Variants in RAB12 observed in about 807,000 individuals in gnomAD.
RAB12 encodes ras-related protein Rab-12.
A neutral mutation model predicts 28.4 loss-of-function variants in RAB12; 11 were observed. The observed-to-expected ratio is 0.39, with a 90% CI of 0.24 to 0.64. The LOEUF is 0.64. Among genes scored for constraint, RAB12 ranks in the 30% least tolerant of loss-of-function variants. RAB12 has a pLI of 0.50. For missense variants in RAB12, 276 were observed against 351.1 expected, an observed-to-expected ratio of 0.79 and a Z score of 1.71; for synonymous variants, 138 against 145.3, an observed-to-expected ratio of 0.95 and a Z score of 0.36.
intron 1 of RAB12, among the ~76,000 whole-genome samples, chr18:8,620,164 T>TTTTTAAAAAAAAA: frequency 3.6e-5 from 2 of 55,350 alleles, no homozygotes; most frequent in Non-Finnish European, 6.8e-5. Flanking sequence ...TTTTTTTGCT[T>TTTTTAAAAAAAAA]CAAAAAAAAA....
chr18:8,637,177 G>A (rs2148712612), intron 5 of RAB12, among the ~76,000 whole-genome samples: 1 of 152,076 alleles, frequency 6.6e-6, no homozygotes, highest in Non-Finnish European at 1.5e-5. Flanking sequence ...GGCTGATGCA[G>A]GAGGATTGCT....
chr18:8,612,684 T>C (rs1323701113), intron 1 of RAB12, among the ~76,000 whole-genome samples: 3 of 152,200 alleles, frequency 2.0e-5, no homozygotes, highest in African/African-American at 4.8e-5. Flanking sequence ...TATTTATTTA[T>C]TTTTGAGACA....
chr18:8,631,576 G>T (rs2096016011), intron 2 of RAB12, among the ~76,000 whole-genome samples: 1 of 152,202 alleles, frequency 6.6e-6, no homozygotes, highest in South Asian at 2.1e-4. Flanking sequence ...AAAGCCCACT[G>T]CCCGGTTCCC....
At chr18:8,629,208 T>C (rs956500357) in intron 2 of RAB12, among the ~76,000 whole-genome samples, 3 of 152,176 alleles carry the variant, frequency 2.0e-5, no homozygotes, top group Admixed American at 6.5e-5. Context: ...TTTAACTCTT[T>C]ATTGGTTTGG....
chr18:8,613,829 AAGTAGT>A (rs3050584), intron 1 of RAB12, among the ~76,000 whole-genome samples: 8,302 of 148,716 alleles, frequency 0.056, 236 homozygotes, highest in Non-Finnish European at 0.065. Flanking sequence ...CTATAAATAG[AAGTAGT>A]AGTAGTAGTA....
At position 8,638,132 on chromosome 18, in the gene RAB12, G is replaced by C; in HGVS notation, c.910-17G>C. The C allele has an allele frequency of 1.3e-6, 2 of 1,547,960 alleles. No homozygotes were observed. The highest frequency in any genetic ancestry group is 1.8e-6 in the Non-Finnish European group (2 of 1,128,508). On this transcript the variant is annotated splice_polypyrimidine_tract_variant and intron_variant, in intron 5 of 5. Coordinates refer to ENST00000649141, the MANE Select transcript of RAB12 (RefSeq NM_001025300.3). ...GTAAAGTTAAAACGGATTTTTTTTT[G>C]TTTGTTTATACGTTAGATGCCTCTG...
intron 1 of RAB12, among the ~76,000 whole-genome samples, chr18:8,619,035 T>C (rs1014510527): frequency 2.6e-5 from 4 of 152,228 alleles, no homozygotes; most frequent in Non-Finnish European, 4.4e-5. Flanking sequence ...AATTTAACAT[T>C]ATGTAAGATA....
rs770307391 is a variant in RAB12, at chr18:8,633,300, G to C, written c.687G>C (p.Leu229Phe). The C allele has an allele frequency of 6.2e-7, 1 of 1,614,052 alleles. No individual in the cohort carries two copies. The highest frequency in any genetic ancestry group is 8.5e-7 in the Non-Finnish European group (1 of 1,180,010). ...DITKKETFDD[L>F]PKWMKMIDKY... ...CTAAGAAGGAGACATTTGATGATTT[G>C]CCGAAATGGATGAAGATGATTGATA... Residue 229 changes from leucine to phenylalanine, a missense_variant, in exon 3 of 6, where the codon TTG (leucine) becomes TTC (phenylalanine). Transcript: ENST00000649141.
At chr18:8,631,407 G>C (rs867198657) in intron 2 of RAB12, among the ~76,000 whole-genome samples, 10 of 152,210 alleles carry the variant, frequency 6.6e-5, no homozygotes, top group Non-Finnish European at 1.2e-4. Context: ...AGCTCAGAGA[G>C]GTTGAGTTTT....
chr18:8,632,448 T>C (rs1598313573), intron 2 of RAB12, among the ~76,000 whole-genome samples: 2 of 152,158 alleles, frequency 1.3e-5, no homozygotes, highest in East Asian at 3.8e-4. Context: ...TCTCAAGAGC[T>C]GGCTCTGCTT....
intron 1 of RAB12, among the ~76,000 whole-genome samples, chr18:8,618,602 C>T (rs759515788): frequency 5.9e-5 from 9 of 151,970 alleles, no homozygotes; most frequent in Admixed American, 2.0e-4. Flanking sequence ...CTCCGCCTCC[C>T]GGGTTCACGC....
intron 2 of RAB12, 89 bp from the exon 3 acceptor site, chr18:8,633,100 C>T: frequency 6.6e-7 from 1 of 1,519,466 alleles, no homozygotes; most frequent in South Asian, 1.2e-5. Context: ...CGCAGAAAAA[C>T]TGCAGCATAT....
intron 3 of RAB12, among the ~76,000 whole-genome samples, 179 bp downstream of exon 3, chr18:8,633,506 G>T (rs2096017130): frequency 6.6e-6 from 1 of 152,168 alleles, no homozygotes; most frequent in Admixed American, 6.5e-5. Context: ...AGGCAAAGAA[G>T]AATTAAATTT....
intron 1 of RAB12, among the ~76,000 whole-genome samples, chr18:8,622,740 G>T (rs2096010576): frequency 6.6e-6 from 1 of 152,120 alleles, no homozygotes; most frequent in Non-Finnish European, 1.5e-5. Flanking sequence ...TTCCTAATAA[G>T]CCTGGGAGCA....
intron 1 of RAB12, among the ~76,000 whole-genome samples, chr18:8,624,199 AT>A (rs1424607767): frequency 6.6e-6 from 1 of 152,244 alleles, no homozygotes; most frequent in East Asian, 1.9e-4. Flanking sequence ...AGTTATGAAA[AT>A]TGTGTAATAA....
Position 8,614,825 on chromosome 18 carries a change from C to T in RAB12, c.514+4872C>T, listed in dbSNP as rs184318658. On this transcript the variant is annotated intron_variant, in intron 1 of 5. Coordinates refer to ENST00000649141, the MANE Select transcript of RAB12 (RefSeq NM_001025300.3). ...GGTCTCGAAATCCTGACCTTGTGAT[C>T]CACCCTCCTCAGCCTCCCAAAGAGC... is the stretch of plus-strand genomic sequence containing the variant. 4.6e-3 allele frequency among the ~76,000 whole-genome samples: 700 copies of T among 152,254 alleles called. 2 individuals are homozygous for T. The highest frequency in any genetic ancestry group is 7.8e-3 in the Non-Finnish European group (529 of 68,018).
chr18:8,615,591 G>A (rs1017167486), intron 1 of RAB12, among the ~76,000 whole-genome samples: 2 of 152,192 alleles, frequency 1.3e-5, no homozygotes, highest in Non-Finnish European at 2.9e-5. Flanking sequence ...GTAACATGAT[G>A]ACTCAGGGAT....
intron 1 of RAB12, among the ~76,000 whole-genome samples, chr18:8,611,057 T>C (rs1266807133): frequency 6.6e-6 from 1 of 152,226 alleles, no homozygotes; most frequent in Non-Finnish European, 1.5e-5. Context: ...GTACTGTCTT[T>C]CTTGGTTTGT....
chr18:8,638,316 T>C lies in RAB12; in HGVS notation c.*54T>C. On this transcript the variant is annotated 3_prime_UTR_variant, in exon 6 of 6. Coordinates refer to ENST00000649141, the MANE Select transcript of RAB12 (RefSeq NM_001025300.3). Reference sequence around the variant, plus strand: ...GATTCCTGGAAAGGGGAAAAAACGTTCTATTCTGCACTACAATCATTTTGA... The same window carrying C: ...GATTCCTGGAAAGGGGAAAAAACGTCCTATTCTGCACTACAATCATTTTGA... 8.0e-7 allele frequency: 1 copy of C among 1,253,122 alleles called. No individual in the cohort carries two copies. Among genetic ancestry groups the C allele is most frequent in the Admixed American group, 1.7e-5 (1 of 57,806 alleles). The allele number at this position is 1,253,122 out of a possible 1,614,324, so 77.6% of individuals were successfully genotyped here.
Sources: allele counts gnomAD v4.1 joint callset (sites outside exome capture counted in the v4.1 genomes callset), GRCh38; gene constraint gnomAD v4.1.1; transcripts MANE v1.5; gene names NCBI Gene and HGNC (gene_info 2026-07-23, HGNC 2026-07-21).